The following USP8 variants were observed in gnomAD, a reference collection of about 807,000 sequenced individuals.
USP8 encodes ubiquitin specific peptidase 8.
Under a neutral mutation model 130.0 loss-of-function variants are expected in USP8, and 27 were observed. The observed-to-expected ratio is 0.21, with a 90% CI of 0.15 to 0.29. The LOEUF (loss-of-function observed/expected upper bound fraction) is 0.29, where lower values mean the gene tolerates loss of function less well. Among genes scored for constraint, USP8 ranks in the 10% least tolerant of loss-of-function variants. The pLI is 1.00. For missense variants in USP8, 1,029 were observed against 1,312.2 expected (o/e 0.78, Z 3.33); for synonymous variants, 392 against 444.1 (o/e 0.88, Z 1.48).
chr15:50,436,862 G>A (rs2050106886), intron 1 of USP8, among the ~76,000 whole-genome samples: 1 of 151,988 alleles, frequency 6.6e-6, no homozygotes, highest in East Asian at 1.9e-4. Context: ...TAGAGATAGG[G>A]TTTCACCATG....
Position 50,500,864 on chromosome 15 carries a change from A to C in USP8, c.*1776A>C. 1 of 1,549,898 alleles carries C rather than the reference A, an allele frequency of 6.5e-7. No homozygotes were observed. Among genetic ancestry groups the C allele is most frequent in the Non-Finnish European group, 8.8e-7 (1 of 1,141,280 alleles). ...TATGGGAGAAAGGAATGTCAAACTT[A>C]GTATTCACATATGAACACTAACTAC... On this transcript the variant is annotated 3_prime_UTR_variant, in exon 20 of 20. Coordinates refer to ENST00000307179, the MANE Select transcript of USP8 (RefSeq NM_005154.5).
intron 3 of USP8, among the ~76,000 whole-genome samples, chr15:50,447,223 A>G (rs958004235): frequency 3.3e-5 from 5 of 152,140 alleles, no homozygotes; most frequent in Non-Finnish European, 5.9e-5. Context: ...GTCTTATGGG[A>G]ATGAATTATT....
In USP8 at chr15:50,481,851, G is replaced by A; in HGVS notation, c.1589G>A (p.Ser530Asn). The change falls in exon 11 of 20, where the codon AGT becomes AAT. Residue 530 changes from serine (S) to asparagine (N), a missense_variant. By Grantham distance (46) the Ser-to-Asn change is conservative (BLOSUM62 1). Coordinates refer to ENST00000307179, the MANE Select transcript of USP8 (RefSeq NM_005154.5). ...AAAGAAGAAATGGAGAAGAAAGAAA[G>A]TGAACAGGCCAAGAAAGAAGATAAA... is the stretch of plus-strand genomic sequence containing the variant. The part of the protein sequence containing the change: ...KAKEEMEKKE[S>N]EQAKKEDKET... The A allele has an allele frequency of 2.0e-6, 3 of 1,531,466 alleles. No individual in the cohort carries two copies. The highest frequency in any genetic ancestry group is 2.6e-6 in the Non-Finnish European group (3 of 1,145,292). 94.9% of individuals were successfully genotyped at this position (1,531,466 alleles called of 1,614,324 possible). A position where few individuals can be genotyped will look rare whatever the true frequency, so the allele number is the denominator to read the frequency against.
chr15:50,492,492 C>T (rs1595984711), intron 14 of USP8, among the ~76,000 whole-genome samples: 1 of 152,272 alleles, frequency 6.6e-6, no homozygotes, highest in East Asian at 1.9e-4. Context: ...GTATGTGTTT[C>T]ATGGGAAGGT....
At chr15:50,469,880 G>A (rs1232450139) in intron 7 of USP8, among the ~76,000 whole-genome samples, 2 of 146,862 alleles carry the variant, frequency 1.4e-5, no homozygotes, top group African/African-American at 5.1e-5. Flanking sequence ...CACCCAGGCT[G>A]GAGTGCAGTG....
At chr15:50,460,395 T>C (rs2050951628) in intron 5 of USP8, among the ~76,000 whole-genome samples, 1 of 148,496 alleles carries the variant, frequency 6.7e-6, no homozygotes, top group Non-Finnish European at 1.5e-5. Flanking sequence ...CAACCTCTGC[T>C]TCCCGGGTTC....
At chr15:50,427,944 G>C (rs1372578915) in intron 1 of USP8, among the ~76,000 whole-genome samples, 1 of 151,414 alleles carries the variant, frequency 6.6e-6, no homozygotes, top group Non-Finnish European at 1.5e-5. Flanking sequence ...TGTAACCTCT[G>C]CTTCCTGGGC....
At chr15:50,430,552 C>CA (rs2049897757) in intron 1 of USP8, among the ~76,000 whole-genome samples, 3 of 152,160 alleles carry the variant, frequency 2.0e-5, no homozygotes, top group Admixed American at 6.5e-5. Flanking sequence ...CGCATGCCAC[C>CA]ATGCCCTGCT....
rs755050919 is a variant in USP8 at position 50,497,165 on chromosome 15, G to A, written c.2972G>A (p.Arg991Gln). 61 of 1,610,730 alleles carry A rather than the reference G, an allele frequency of 3.8e-5. No individual in the cohort carries two copies. Among genetic ancestry groups the A allele is most frequent in the Admixed American group, 2.7e-4 (16 of 59,468 alleles). ...TTTTACTGCAGTCATTGCAGAGCTCGACGGGATTCTCTAAAAAAGATAGAA... is the reference window on the plus strand; with the variant it reads ...TTTTACTGCAGTCATTGCAGAGCTCAACGGGATTCTCTAAAAAAGATAGAA... ...NRFYCSHCRARRDSLKKIEIW... is the reference protein window; with the variant it reads ...NRFYCSHCRAQRDSLKKIEIW... The change falls in exon 18 of 20, where the codon CGA (arginine) becomes CAA (glutamine). Residue 991 changes from arginine (R) to glutamine (Q), a missense_variant. By Grantham distance (43) the Arg-to-Gln change is conservative. This residue lies in a region of USP8 where 257 missense variants were observed against 429.8 expected (regional missense o/e 0.60). Transcript: ENST00000307179.
intron 5 of USP8, among the ~76,000 whole-genome samples, chr15:50,461,254 A>G (rs2050990022): frequency 6.6e-6 from 1 of 152,060 alleles, no homozygotes; most frequent in Non-Finnish European, 1.5e-5. Context: ...GGCCTCCCAC[A>G]GTGCTGGGAT....
At chr15:50,448,763 G>T (rs1393377882) in intron 3 of USP8, among the ~76,000 whole-genome samples, 3 of 151,932 alleles carry the variant, frequency 2.0e-5, no homozygotes, top group Non-Finnish European at 4.4e-5. Flanking sequence ...CAAGTGATGT[G>T]CCCGCCTCGG....
chr15:50,487,956 A>T (rs1421786726), intron 12 of USP8, among the ~76,000 whole-genome samples: 1 of 152,174 alleles, frequency 6.6e-6, no homozygotes, highest in Non-Finnish European at 1.5e-5. Context: ...GAGGCAAGAG[A>T]ATCATTTGTG....
chr15:50,446,113 A>G (rs759667531), intron 3 of USP8, among the ~76,000 whole-genome samples: 2 of 152,160 alleles, frequency 1.3e-5, no homozygotes, highest in Non-Finnish European at 2.9e-5. Context: ...ATTTTTGTTT[A>G]GGAAATCATG....
In USP8 at chr15:50,511,273, C is replaced by G. The variant is rs2052736361; in HGVS notation, c.*12185C>G. ...TAGAATAAAAAATGAGAGGCAGTAA[C>G]AAGTTCGGTTGAGGATGTGGGGAAA... On this transcript the variant is annotated 3_prime_UTR_variant, in exon 20 of 20. Coordinates refer to ENST00000307179, the MANE Select transcript of USP8 (RefSeq NM_005154.5). The G allele has an allele frequency of 6.6e-6, 1 of 152,104 alleles. No homozygotes were observed. The highest frequency in any genetic ancestry group is 2.4e-5 in the African/African-American group (1 of 41,436). 9.4% of individuals were successfully genotyped at this position (152,104 alleles called of 1,614,324 possible). A position where few individuals can be genotyped will look rare whatever the true frequency, so the allele number is the denominator to read the frequency against.
intron 10 of USP8, among the ~76,000 whole-genome samples, chr15:50,479,921 G>A (rs987571488): frequency 6.6e-6 from 1 of 151,996 alleles, no homozygotes; most frequent in African/African-American, 2.4e-5. Flanking sequence ...ACCACGCCCA[G>A]CTAATTTTTG....
chr15:50,446,231 A>G (rs927656961), intron 3 of USP8, among the ~76,000 whole-genome samples: 3 of 152,154 alleles, frequency 2.0e-5, no homozygotes, highest in Admixed American at 6.5e-5. Context: ...TCTTCTGTCA[A>G]TTATCATACT....
chr15:50,494,250 A>G lies in USP8; in HGVS notation c.2628A>G (p.Leu876=). 6.2e-7 allele frequency: 1 copy of G among 1,611,368 alleles called. No homozygotes were observed. Among genetic ancestry groups the G allele is most frequent in the Non-Finnish European group, 8.5e-7 (1 of 1,179,446 alleles). Residue 876 remains leucine, a synonymous_variant, in exon 16 of 20, where the codon CTA becomes CTG. Coordinates refer to ENST00000307179, the MANE Select transcript of USP8 (RefSeq NM_005154.5). ...ATTCACAAGAATTGCTTCTGTTCCTAATGGATGGTCTCCATGAAGATCTAA... is the reference window on the plus strand; with the variant it reads ...ATTCACAAGAATTGCTTCTGTTCCTGATGGATGGTCTCCATGAAGATCTAA... ...QQDSQELLLF[L]MDGLHEDLNK...
intron 10 of USP8, among the ~76,000 whole-genome samples, chr15:50,480,849 C>A (rs1339020902): frequency 6.6e-6 from 1 of 151,884 alleles, no homozygotes; most frequent in Admixed American, 6.6e-5. Context: ...AGATGGGCAA[C>A]TAGTTGAAAG....
chr15:50,461,456 CAAAAAAAAAA>C (rs71124356), intron 5 of USP8, among the ~76,000 whole-genome samples: 7 of 108,688 alleles, frequency 6.4e-5, no homozygotes, highest in African/African-American at 1.5e-4. Flanking sequence ...ACCCTATCTC[CAAAAAAAAAA>C]AAAAAAAAAA....
Sources: allele counts gnomAD v4.1 joint callset (sites outside exome capture counted in the v4.1 genomes callset), GRCh38; gene constraint gnomAD v4.1.1; regional missense constraint gnomAD v4.1.1; transcripts MANE v1.5; gene names NCBI Gene and HGNC (gene_info 2026-07-23, HGNC 2026-07-21).